The following SMARCAD1 variants were observed in gnomAD, a reference collection of about 807,000 sequenced individuals.
SMARCAD1 encodes the protein SWI/SNF-related matrix-associated actin-dependent regulator of chromatin subfamily A containing DEAD/H box 1.
In SMARCAD1, 25 loss-of-function variants were observed where a neutral mutation model predicts 127.1. The ratio of observed to expected loss-of-function variants is 0.20; its 90% confidence interval spans 0.14 to 0.27. SMARCAD1 has a LOEUF of 0.27. Ranked by LOEUF, SMARCAD1 falls within the 10% of genes least tolerant of loss-of-function variation. The pLI, the probability that SMARCAD1 is intolerant of heterozygous loss-of-function variation, is 1.00. For missense variants in SMARCAD1, 807 were observed against 1,206.0 expected, an observed-to-expected ratio of 0.67 and a Z score of 4.90; for synonymous variants, 400 against 396.9, an observed-to-expected ratio of 1.01 and a Z score of -0.09.
chr4:94,242,833 T>G (rs1355546617), intron 6 of SMARCAD1, among the ~76,000 whole-genome samples: 3 of 152,148 alleles, frequency 2.0e-5, no homozygotes, highest in Non-Finnish European at 4.4e-5. Flanking sequence ...GGAGGATTAC[T>G]TGAGCCCAGA....
chr4:94,282,317 C>G (rs565964826), intron 21 of SMARCAD1, among the ~76,000 whole-genome samples: 7 of 150,254 alleles, frequency 4.7e-5, no homozygotes, highest in Non-Finnish European at 1.0e-4. Flanking sequence ...AGGATGGTCT[C>G]GATCTCCTGA....
In SMARCAD1 at chr4:94,252,685, C is replaced by T. The variant is rs765805221; in HGVS notation, c.959C>T (p.Pro320Leu). The T allele has an allele frequency of 6.9e-6, 11 of 1,583,970 alleles. No individual in the cohort carries two copies. Among genetic ancestry groups the T allele is most frequent in the Non-Finnish European group, 9.4e-6 (11 of 1,168,024 alleles). Reference sequence around the variant, plus strand: ...GTTTCTTCAAGAAGTCAAAATTACCCTAAAAATGCAACTAAAACAAAACTA... The same window carrying T: ...GTTTCTTCAAGAAGTCAAAATTACCTTAAAAATGCAACTAAAACAAAACTA... ...KEVSSRSQNYPKNATKTKLKQ... is the reference protein window; with the variant it reads ...KEVSSRSQNYLKNATKTKLKQ... Residue 320 changes from proline to leucine, a missense_variant, in exon 9 of 24, where the codon CCT (proline) becomes CTT (leucine). Pro to Leu is a moderately conservative substitution (Grantham distance 98, BLOSUM62 -3). Transcript: ENST00000354268.
intron 6 of SMARCAD1, among the ~76,000 whole-genome samples, chr4:94,243,245 G>A (rs1747874424): frequency 6.6e-6 from 1 of 152,198 alleles, no homozygotes; most frequent in African/African-American, 2.4e-5. Flanking sequence ...AACCTATCAG[G>A]TCATAAAGAA....
intron 8 of SMARCAD1, 66 bp from the exon 9 acceptor site, chr4:94,252,550 A>G (rs757000032): frequency 2.6e-4 from 300 of 1,152,440 alleles, no homozygotes; most frequent in Non-Finnish European, 3.5e-4. Flanking sequence ...TTAAGTTTTT[A>G]TTTGAAGTCT....
In SMARCAD1 at chr4:94,270,789, G is replaced by A; in HGVS notation, c.1543G>A (p.Gly515Arg). 2 of 1,613,420 alleles carry A rather than the reference G, an allele frequency of 1.2e-6. No individual in the cohort carries two copies. Among genetic ancestry groups the A allele is most frequent in the South Asian group, 2.2e-5 (2 of 91,048 alleles). ...LNWLALVHKH[G>R]LNGILADEMG... ...TTGGCTGGCATTGGTACATAAACAT[G>A]GACTTAATGGCATTTTGGCAGATGA... The change falls in exon 11 of 24, where the codon GGA becomes AGA. Residue 515 changes from glycine to arginine, a missense_variant. This residue lies in a region of SMARCAD1 where 148 missense variants were observed against 313.2 expected (regional missense o/e 0.47). Transcript: ENST00000354268.
intron 16 of SMARCAD1, among the ~76,000 whole-genome samples, chr4:94,278,195 A>ATAC (rs1379278105): frequency 6.6e-6 from 1 of 152,224 alleles, no homozygotes; most frequent in Non-Finnish European, 1.5e-5. Flanking sequence ...TGATTACTTC[A>ATAC]GTAGAGAACA....
At position 94,288,445 on chromosome 4, in the gene SMARCAD1, A is replaced by G. The variant is rs142422899; in HGVS notation, c.3020-1028A>G. 3.5e-3 allele frequency among the ~76,000 whole-genome samples: 534 copies of G among 152,140 alleles called. 4 individuals carry two copies. The highest frequency in any genetic ancestry group is 0.012 in the African/African-American group (500 of 41,506). On this transcript the variant is annotated intron_variant, in intron 23 of 23. Coordinates refer to ENST00000354268, the MANE Select transcript of SMARCAD1 (RefSeq NM_020159.5). The stretch of plus-strand genomic sequence containing the variant: ...TTTATATAGTAATTTATGAAGTGTC[A>G]ATTTGGATTTTATGGGCTATTTTCA...
intron 4 of SMARCAD1, among the ~76,000 whole-genome samples, chr4:94,234,510 C>T (rs1339190542): frequency 6.6e-6 from 1 of 152,124 alleles, no homozygotes; most frequent in African/African-American, 2.4e-5. Flanking sequence ...TGCTAAACAC[C>T]CTGCAGTACT....
chr4:94,250,513 TAGTG>T (rs1177951502), intron 7 of SMARCAD1, among the ~76,000 whole-genome samples: 1 of 152,130 alleles, frequency 6.6e-6, no homozygotes, highest in African/African-American at 2.4e-5. Context: ...CAGTACTTCA[TAGTG>T]AGCATTAGAA....
At position 94,273,668 on chromosome 4, in the gene SMARCAD1, G is replaced by A. The variant is rs779346888; in HGVS notation, c.1624G>A (p.Glu542Lys). 6.2e-7 allele frequency: 1 copy of A among 1,613,892 alleles called. No individual in the cohort carries two copies. Among genetic ancestry groups the A allele is most frequent in the South Asian group, 1.1e-5 (1 of 91,068 alleles). ...TGCATTTCTGGCATACCTCTATCAG[G>A]AGGGTAATAATGGTCCTCATTTGAT... is the stretch of plus-strand genomic sequence containing the variant. ...AIAFLAYLYQ[E>K]GNNGPHLIVV... The change falls in exon 12 of 24, where the codon GAG becomes AAG. Residue 542 changes from glutamate to lysine, a missense_variant. Around this residue, in one of 8 missense-constraint regions of SMARCAD1, gnomAD observed 148 missense variants for 313.2 expected, o/e 0.47. Transcript: ENST00000354268.
intron 10 of SMARCAD1, among the ~76,000 whole-genome samples, chr4:94,265,539 A>G (rs903482180): frequency 9.9e-5 from 15 of 151,768 alleles, no homozygotes; most frequent in African/African-American, 3.1e-4. Flanking sequence ...TGGCCAGTAC[A>G]TATTAAAGTG....
intron 9 of SMARCAD1, among the ~76,000 whole-genome samples, chr4:94,261,608 A>AT (rs1750994733): frequency 6.6e-6 from 1 of 152,150 alleles, no homozygotes; most frequent in Admixed American, 6.5e-5. Context: ...TTGGTGAAAG[A>AT]TTAAGTTTGT....
chr4:94,281,393 TCTAA>T (rs1274362933), intron 20 of SMARCAD1, 75 bp from the exon 21 acceptor site: 23 of 960,046 alleles, frequency 2.4e-5, no homozygotes, highest in African/African-American at 3.2e-5. Flanking sequence ...AAGTAACACT[TCTAA>T]CTGTTTAAAC....
intron 6 of SMARCAD1, among the ~76,000 whole-genome samples, chr4:94,248,270 T>C (rs547212648): frequency 1.4e-4 from 22 of 152,366 alleles, no homozygotes; most frequent in Admixed American, 6.5e-4. Flanking sequence ...TACTTCATTC[T>C]TTTTTATGAC....
chr4:94,287,621 A>G (rs946831716), intron 23 of SMARCAD1, among the ~76,000 whole-genome samples: 1 of 152,160 alleles, frequency 6.6e-6, no homozygotes, highest in Non-Finnish European at 1.5e-5. Context: ...AACTCTGGCG[A>G]TGGCACCTAA....
In SMARCAD1 at chr4:94,289,479, A is replaced by C; in HGVS notation, c.3026A>C (p.Glu1009Ala). ...GCTACTTTCTGACCTACAGGTGATG[A>C]AGGGAGTATGCCAGCAGATATAGCC... ...QDMTTVDEGDEGSMPADIATL... is the reference protein window; with the variant it reads ...QDMTTVDEGDAGSMPADIATL... Residue 1009 changes from glutamate (E) to alanine (A), a missense_variant, in exon 24 of 24, where the codon GAA becomes GCA. By Grantham distance (107) the Glu-to-Ala change is moderately radical. Around this residue, in one of 8 missense-constraint regions of SMARCAD1, gnomAD observed 36 missense variants for 67.4 expected, o/e 0.53. Coordinates refer to ENST00000354268, the MANE Select transcript of SMARCAD1 (RefSeq NM_020159.5). The C allele has an allele frequency of 6.2e-7, 1 of 1,612,710 alleles. No homozygotes were observed. Among genetic ancestry groups the C allele is most frequent in the Non-Finnish European group, 8.5e-7 (1 of 1,178,948 alleles).
At chr4:94,229,057 A>G (rs1745435305) in intron 3 of SMARCAD1, among the ~76,000 whole-genome samples, 1 of 152,082 alleles carries the variant, frequency 6.6e-6, no homozygotes, top group Admixed American at 6.6e-5. Flanking sequence ...GAGACACATG[A>G]TATCCATTTG....
Position 94,274,886 on chromosome 4 carries a change from C to A in SMARCAD1, c.1733-4C>A. The A allele has an allele frequency of 6.2e-7, 1 of 1,602,540 alleles. No individual in the cohort carries two copies. Among genetic ancestry groups the A allele is most frequent in the Non-Finnish European group, 8.5e-7 (1 of 1,169,826 alleles). ...GTCATGTGTTTATTGTTTTTAAATT[C>A]TAGGTTCTCAAGAAGAACGTAAACA... is the stretch of plus-strand genomic sequence containing the variant. On this transcript the variant is annotated splice_region_variant and splice_polypyrimidine_tract_variant and intron_variant, in intron 13 of 23. Coordinates refer to ENST00000354268, the MANE Select transcript of SMARCAD1 (RefSeq NM_020159.5).
At chr4:94,235,229 C>CTTTT (rs35123705) in intron 4 of SMARCAD1, among the ~76,000 whole-genome samples, 3 of 39,304 alleles carry the variant, frequency 7.6e-5, no homozygotes, top group Admixed American at 4.2e-4. Flanking sequence ...ACCACCAATC[C>CTTTT]TTTTTTTTTT....
Sources: allele counts gnomAD v4.1 joint callset (sites outside exome capture counted in the v4.1 genomes callset), GRCh38; gene constraint gnomAD v4.1.1; regional missense constraint gnomAD v4.1.1; transcripts MANE v1.5; gene names NCBI Gene and HGNC (gene_info 2026-07-23, HGNC 2026-07-21).